FZD3: variants seen among roughly 807,000 people sequenced by gnomAD.
The protein encoded by FZD3 is frizzled class receptor 3.
Under a neutral mutation model 60.7 loss-of-function variants are expected in FZD3, and 30 were observed. The observed-to-expected ratio is 0.49, with a 90% CI of 0.37 to 0.67. The LOEUF is 0.67. FZD3 is among the 30% of genes least tolerant of loss of function. The pLI is 0.00. For synonymous variants in FZD3, 246 were observed against 275.2 expected (o/e 0.89, Z 1.05); for missense variants, 605 against 838.7 (o/e 0.72, Z 3.44).
intron 3 of FZD3, among the ~76,000 whole-genome samples, chr8:28,506,646 G>C (rs1316336699): frequency 1.3e-5 from 2 of 151,982 alleles, no homozygotes; most frequent in Non-Finnish European, 2.9e-5. Flanking sequence ...TCCGTTTCCT[G>C]TTTTCCTTTG....
Position 28,528,765 on chromosome 8 carries a change from G to A in FZD3, c.1404+601G>A, listed in dbSNP as rs1248232250. On this transcript the variant is annotated intron_variant, in intron 5 of 7. Coordinates refer to ENST00000240093, the MANE Select transcript of FZD3 (RefSeq NM_017412.4). ...CATCTAGTACCTTATTTGAAGCTTT[G>A]AAATGTTAAGTGACTTGTTCTTGAG... Among the ~76,000 whole-genome samples the A allele has an allele frequency of 3.9e-5, 6 of 152,086 alleles. No homozygotes were observed. In the East Asian group the frequency reaches 1.2e-3, roughly 29 times the overall value.
chr8:28,506,419 A>G (rs1305430130), intron 3 of FZD3, among the ~76,000 whole-genome samples: 1 of 152,204 alleles, frequency 6.6e-6, no homozygotes, highest in Non-Finnish European at 1.5e-5. Flanking sequence ...CATTTATGTT[A>G]AAGAATTTTG....
chr8:28,526,431 T>C (rs1055278230), intron 4 of FZD3, among the ~76,000 whole-genome samples: 2 of 152,192 alleles, frequency 1.3e-5, no homozygotes, highest in Admixed American at 6.5e-5. Context: ...GTAACTAATC[T>C]CTGTCTTTAT....
At chr8:28,504,704 T>C (rs1804090534) in intron 3 of FZD3, among the ~76,000 whole-genome samples, 2 of 152,234 alleles carry the variant, frequency 1.3e-5, no homozygotes, top group Admixed American at 6.5e-5. Flanking sequence ...CAATGCATCA[T>C]ACGCAATAGG....
Position 28,494,975 on chromosome 8 carries a change from C to T in FZD3, c.-391+632C>T, listed in dbSNP as rs1474171998. 3.3e-5 allele frequency among the ~76,000 whole-genome samples: 5 copies of T among 152,256 alleles called. No individual in the cohort carries two copies. In the East Asian group the frequency reaches 9.7e-4, roughly 30 times the overall value. ...GTCCTTGCTCCCTTCCGCGAGCTTCCCCCGGCTGCCTCCTCCGCGGGCTGT... is the reference window on the plus strand; with the variant it reads ...GTCCTTGCTCCCTTCCGCGAGCTTCTCCCGGCTGCCTCCTCCGCGGGCTGT... On this transcript the variant is annotated intron_variant, in intron 1 of 7. Transcript: ENST00000240093.
chr8:28,542,070 T>C (rs1585988537), intron 5 of FZD3, among the ~76,000 whole-genome samples: 1 of 151,006 alleles, frequency 6.6e-6, no homozygotes. Context: ...AGTGGCTTCC[T>C]GTTACTCTTA....
At chr8:28,557,605 T>C (rs1201792468) in intron 7 of FZD3, among the ~76,000 whole-genome samples, 1 of 152,254 alleles carries the variant, frequency 6.6e-6, no homozygotes, top group Non-Finnish European at 1.5e-5. Context: ...TTCCTTTTTC[T>C]TTCCTGGCTA....
intron 5 of FZD3, among the ~76,000 whole-genome samples, chr8:28,550,037 A>G (rs1184323079): frequency 6.6e-6 from 1 of 152,114 alleles, no homozygotes; most frequent in Admixed American, 6.5e-5. Flanking sequence ...GCTTTATATA[A>G]ATAATTTTAA....
In FZD3 at chr8:28,569,465, T is replaced by C. The variant is rs1805766004; in HGVS notation, c.*6454T>C. ...AACAAGAGAATTAGTTTAGGTAGCGTCTAAAATTCCGCCCAGCTCTCATTT... is the reference window on the plus strand; with the variant it reads ...AACAAGAGAATTAGTTTAGGTAGCGCCTAAAATTCCGCCCAGCTCTCATTT... On this transcript the variant is annotated 3_prime_UTR_variant, in exon 8 of 8. Coordinates refer to ENST00000240093, the MANE Select transcript of FZD3 (RefSeq NM_017412.4). 6.6e-6 allele frequency: 1 copy of C among 151,986 alleles called. No individual in the cohort carries two copies. Among genetic ancestry groups the C allele is most frequent in the Non-Finnish European group, 1.5e-5 (1 of 67,964 alleles). The allele number at this position is 151,986 out of a possible 1,614,324, so 9.4% of individuals were successfully genotyped here.
chr8:28,561,941 A>G (rs1307332524), intron 7 of FZD3, among the ~76,000 whole-genome samples: 2 of 152,140 alleles, frequency 1.3e-5, no homozygotes, highest in African/African-American at 4.8e-5. Flanking sequence ...AGCTAATCTC[A>G]TTCCTCATGG....
rs1439098254 is a variant in FZD3 at position 28,565,465 on chromosome 8, A to T, written c.*2454A>T. On this transcript the variant is annotated 3_prime_UTR_variant, in exon 8 of 8. Transcript: ENST00000240093. ...TTCACAAACAAAAATAAGTTAAAAT[A>T]GAAGGTACCAGTTTGGGCTCGAAGA... 1 of 152,220 alleles carries T rather than the reference A, an allele frequency of 6.6e-6. No homozygotes were observed. Among genetic ancestry groups the T allele is most frequent in the African/African-American group, 2.4e-5 (1 of 41,466 alleles). 9.4% of individuals were successfully genotyped at this position (152,220 alleles called of 1,614,324 possible). A position where few individuals can be genotyped will look rare whatever the true frequency, so the allele number is the denominator to read the frequency against.
At chr8:28,560,180 A>C (rs1001581713) in intron 7 of FZD3, among the ~76,000 whole-genome samples, 1 of 152,148 alleles carries the variant, frequency 6.6e-6, no homozygotes, top group South Asian at 2.1e-4. Context: ...CAAAAAGAGT[A>C]AATCATCTTC....
chr8:28,545,200 CT>C (rs1436060985), intron 5 of FZD3, among the ~76,000 whole-genome samples: 1 of 152,256 alleles, frequency 6.6e-6, no homozygotes, highest in African/African-American at 2.4e-5. Flanking sequence ...ATGCAGCCCC[CT>C]GCCTCCAACC....
At chr8:28,549,734 G>A (rs1805369752) in intron 5 of FZD3, among the ~76,000 whole-genome samples, 1 of 152,030 alleles carries the variant, frequency 6.6e-6, no homozygotes, top group Non-Finnish European at 1.5e-5. Flanking sequence ...GTGTCTTTAA[G>A]TACTTCATCA....
At chr8:28,543,022 C>T (rs1805208260) in intron 5 of FZD3, among the ~76,000 whole-genome samples, 1 of 152,120 alleles carries the variant, frequency 6.6e-6, no homozygotes, top group Non-Finnish European at 1.5e-5. Context: ...GATGATCAGT[C>T]ATCTAGAATT....
At chr8:28,507,178 A>G (rs1788241178) in intron 3 of FZD3, among the ~76,000 whole-genome samples, 1 of 152,182 alleles carries the variant, frequency 6.6e-6, no homozygotes, top group African/African-American at 2.4e-5. Context: ...GCTTTTTCTA[A>G]TCAGGGTTCA....
At chr8:28,503,520 A>G (rs182118358) in intron 3 of FZD3, among the ~76,000 whole-genome samples, 28 of 152,350 alleles carry the variant, frequency 1.8e-4, no homozygotes, top group East Asian at 3.9e-4. Flanking sequence ...GTTTTTGTCA[A>G]TGCGAATTAT....
At chr8:28,554,458 G>A (rs1476349280) in intron 6 of FZD3, among the ~76,000 whole-genome samples, 1 of 152,088 alleles carries the variant, frequency 6.6e-6, no homozygotes, top group Non-Finnish European at 1.5e-5. Flanking sequence ...TTGTTTTCCA[G>A]ATATATGTAA....
intron 3 of FZD3, among the ~76,000 whole-genome samples, chr8:28,507,680 C>A (rs978708202): frequency 6.6e-6 from 1 of 151,928 alleles, no homozygotes; most frequent in Non-Finnish European, 1.5e-5. Context: ...TTGCATGTTC[C>A]CCCGTTATTA....
Sources: allele counts gnomAD v4.1 joint callset (sites outside exome capture counted in the v4.1 genomes callset), GRCh38; gene constraint gnomAD v4.1.1; transcripts MANE v1.5; gene names NCBI Gene and HGNC (gene_info 2026-07-23, HGNC 2026-07-21).